Variants in CELF4 observed in about 807,000 individuals in gnomAD.
CELF4 encodes the protein CUG-BP- and ETR-3-like factor 4.
A neutral mutation model predicts 59.9 loss-of-function variants in CELF4; 18 were observed. The ratio of observed to expected loss-of-function variants is 0.30; its 90% CI spans 0.21 to 0.45. CELF4 has a LOEUF of 0.45. Among genes scored for constraint, CELF4 ranks in the 20% least tolerant of loss-of-function variants. The pLI, the probability that CELF4 is intolerant of heterozygous loss-of-function variation, is 1.00. For synonymous variants in CELF4, 261 were observed against 267.1 expected (o/e 0.98, Z 0.22); for missense variants, 456 against 689.0 (o/e 0.66, Z 3.79).
chr18:37,377,127 AAGG>A (rs1209411243), intron 2 of CELF4, among the ~76,000 whole-genome samples: 2 of 151,914 alleles, frequency 1.3e-5, no homozygotes, highest in South Asian at 2.1e-4. Flanking sequence ...GAGAGAGAAA[AAGG>A]AGATGTGAGG....
At chr18:37,479,191 C>T (rs907772395) in intron 2 of CELF4, among the ~76,000 whole-genome samples, 6 of 152,206 alleles carry the variant, frequency 3.9e-5, no homozygotes, top group African/African-American at 7.2e-5. Context: ...CCCACCTACC[C>T]GGTGCTCACA....
chr18:37,358,629 G>A (rs1309469618), intron 2 of CELF4, among the ~76,000 whole-genome samples: 2 of 152,206 alleles, frequency 1.3e-5, no homozygotes, highest in Non-Finnish European at 2.9e-5. Flanking sequence ...TAGTCCAGGT[G>A]CTTTACACCT....
chr18:37,405,886 C>A (rs1025847314), intron 2 of CELF4, among the ~76,000 whole-genome samples: 9 of 152,126 alleles, frequency 5.9e-5, no homozygotes, highest in Non-Finnish European at 1.3e-4. Context: ...GCTGGGCTGG[C>A]CCCCCTCCAG....
intron 2 of CELF4, among the ~76,000 whole-genome samples, chr18:37,378,122 T>TG (rs1347120467): frequency 1.3e-5 from 2 of 152,272 alleles, no homozygotes; most frequent in East Asian, 3.9e-4. Flanking sequence ...CCACTCACCT[T>TG]GCCCACAGGT....
chr18:37,470,242 T>C (rs147719611), intron 2 of CELF4, among the ~76,000 whole-genome samples: 13 of 152,210 alleles, frequency 8.5e-5, no homozygotes, highest in Non-Finnish European at 1.9e-4. Context: ...TGCAGGAATA[T>C]GTTGTCAACC....
At chr18:37,318,393 C>A (rs563929526) in intron 3 of CELF4, among the ~76,000 whole-genome samples, 1 of 152,088 alleles carries the variant, frequency 6.6e-6, no homozygotes, top group East Asian at 1.9e-4. Flanking sequence ...CTCTCCCATT[C>A]CTTCTCTCCA....
At chr18:37,465,285 C>T (rs1331340710) in intron 2 of CELF4, among the ~76,000 whole-genome samples, 4 of 152,158 alleles carry the variant, frequency 2.6e-5, no homozygotes, top group Non-Finnish European at 5.9e-5. Context: ...AATGCTTTTC[C>T]TGCCATAAAT....
chr18:37,296,755 T>A (rs986029846), intron 3 of CELF4, among the ~76,000 whole-genome samples: 7 of 152,170 alleles, frequency 4.6e-5, no homozygotes, highest in African/African-American at 1.7e-4. Context: ...GCCCTAACTG[T>A]GGGCCCCATT....
intron 1 of CELF4, among the ~76,000 whole-genome samples, chr18:37,534,781 G>A (rs2099972169): frequency 6.6e-6 from 1 of 152,332 alleles, no homozygotes. Context: ...AGAGGACTGG[G>A]TATGAATGCA....
At chr18:37,255,976 A>G (rs926888315) in intron 11 of CELF4, among the ~76,000 whole-genome samples, 4 of 151,900 alleles carry the variant, frequency 2.6e-5, no homozygotes, top group African/African-American at 9.7e-5. Context: ...CGGAAGCCCG[A>G]GAGTTGAGAA....
intron 1 of CELF4, among the ~76,000 whole-genome samples, chr18:37,564,776 A>C (rs923202226): frequency 4.0e-5 from 6 of 150,954 alleles, no homozygotes; most frequent in African/African-American, 1.5e-4. Flanking sequence ...TTCACACCAC[A>C]ATCAGATTAT....
At chr18:37,470,710 T>G (rs1569569532) in intron 2 of CELF4, among the ~76,000 whole-genome samples, 1 of 152,078 alleles carries the variant, frequency 6.6e-6, no homozygotes, top group Non-Finnish European at 1.5e-5. Context: ...GGAATCAGTA[T>G]TTTCTGACAA....
chr18:37,558,416 C>G (rs1331990960), intron 1 of CELF4, among the ~76,000 whole-genome samples: 1 of 144,774 alleles, frequency 6.9e-6, no homozygotes, highest in East Asian at 2.1e-4. Context: ...GTCCTGGTAC[C>G]TTTAACTTCT....
At chr18:37,465,780 A>C (rs1351771787) in intron 2 of CELF4, among the ~76,000 whole-genome samples, 1 of 152,200 alleles carries the variant, frequency 6.6e-6, no homozygotes, top group Non-Finnish European at 1.5e-5. Context: ...GTAGTCAAGA[A>C]AGGCTGCATG....
At chr18:37,288,808 A>G (rs925138499) in intron 3 of CELF4, among the ~76,000 whole-genome samples, 2 of 152,056 alleles carry the variant, frequency 1.3e-5, no homozygotes, top group Non-Finnish European at 2.9e-5. Flanking sequence ...GTGGCAACAT[A>G]TTATCTGTTG....
intron 2 of CELF4, among the ~76,000 whole-genome samples, chr18:37,336,904 C>G (rs149595411): frequency 1.3e-5 from 2 of 152,268 alleles, no homozygotes; most frequent in East Asian, 3.9e-4. Context: ...CAACCCCCGG[C>G]GGGGCTGCCG....
chr18:37,277,086 C>T (rs1016620250), intron 3 of CELF4, among the ~76,000 whole-genome samples: 1 of 152,220 alleles, frequency 6.6e-6, no homozygotes, highest in Non-Finnish European at 1.5e-5. Flanking sequence ...GGCTTTCAGG[C>T]CCCTGCCCTC....
intron 1 of CELF4, among the ~76,000 whole-genome samples, chr18:37,560,642 A>G (rs1022182500): frequency 3.3e-5 from 5 of 152,236 alleles, no homozygotes; most frequent in African/African-American, 1.2e-4. Context: ...CCCCCTGGAC[A>G]GAACTGAATT....
At chr18:37,531,842 G>A (rs776663475) in intron 1 of CELF4, among the ~76,000 whole-genome samples, 2 of 152,168 alleles carry the variant, frequency 1.3e-5, no homozygotes, top group African/African-American at 2.4e-5. Context: ...TTGGGTGCAG[G>A]GCAGTGAGAG....
Sources: gnomAD v4.1 joint callset for allele counts (sites outside exome capture counted in the v4.1 genomes callset) on GRCh38, gnomAD v4.1.1 for gene constraint, MANE v1.5 for transcripts, NCBI Gene and HGNC (gene_info 2026-07-23, HGNC 2026-07-21) for gene names.